Variants in NGEF observed in about 807,000 individuals in gnomAD.
NGEF encodes the protein neuronal guanine nucleotide exchange factor.
A neutral mutation model predicts 80.9 loss-of-function variants in NGEF; 31 were observed. That is an observed-to-expected ratio of 0.38 (90% confidence interval 0.29 to 0.52). The LOEUF (loss-of-function observed/expected upper bound fraction) is 0.52. Ranked by LOEUF, NGEF falls within the 20% of genes least tolerant of loss-of-function variation. The pLI is 0.84. For synonymous variants in NGEF, 371 were observed against 370.2 expected (o/e 1.00, Z -0.03); for missense variants, 709 against 926.2 (o/e 0.77, Z 3.04).
chr2:232,946,997 T>C (rs754165025), intron 3 of NGEF, among the ~76,000 whole-genome samples: 78 of 152,298 alleles, frequency 5.1e-4, no homozygotes, highest in Non-Finnish European at 9.1e-4. Flanking sequence ...TGCTAGAACA[T>C]TCCCATTTTG....
intron 2 of NGEF, among the ~76,000 whole-genome samples, chr2:232,971,965 C>T (rs1694195034): frequency 6.6e-6 from 1 of 152,208 alleles, no homozygotes; most frequent in South Asian, 2.1e-4. Context: ...CTTACAGTGC[C>T]CTACCCCTGC....
intron 5 of NGEF, among the ~76,000 whole-genome samples, chr2:232,903,974 T>C (rs1240530096): frequency 1.3e-5 from 2 of 152,218 alleles, no homozygotes; most frequent in African/African-American, 4.8e-5. Context: ...TGTCAGAGGC[T>C]GTACAGATGC....
intron 3 of NGEF, among the ~76,000 whole-genome samples, chr2:232,934,618 G>A (rs1301999445): frequency 4.6e-5 from 7 of 152,084 alleles, no homozygotes; most frequent in African/African-American, 1.7e-4. Flanking sequence ...CCTTTTAACT[G>A]ACATTTTGTT....
At chr2:232,931,102 G>A (rs935747764) in intron 3 of NGEF, among the ~76,000 whole-genome samples, 2 of 152,218 alleles carry the variant, frequency 1.3e-5, no homozygotes, top group African/African-American at 4.8e-5. Context: ...AATAGAAAAA[G>A]AGAGAGAGGA....
At chr2:232,927,430 T>C (rs913790151) in intron 3 of NGEF, among the ~76,000 whole-genome samples, 14 of 151,988 alleles carry the variant, frequency 9.2e-5, no homozygotes, top group African/African-American at 1.9e-4. Flanking sequence ...CAAACCTCCA[T>C]GGTTTTGGAG....
chr2:232,948,209 G>A (rs112606501), intron 3 of NGEF, among the ~76,000 whole-genome samples: 2 of 149,888 alleles, frequency 1.3e-5, no homozygotes, highest in Non-Finnish European at 1.5e-5. Flanking sequence ...AGTTTTTTGA[G>A]ACAGAGTCTC....
At chr2:233,001,521 G>C (rs1694977865) in intron 1 of NGEF, among the ~76,000 whole-genome samples, 1 of 152,154 alleles carries the variant, frequency 6.6e-6, no homozygotes, top group African/African-American at 2.4e-5. Flanking sequence ...GCCTTGGTGG[G>C]GGGCAGAGAG....
At chr2:232,960,604 A>G (rs556186920) in intron 3 of NGEF, among the ~76,000 whole-genome samples, 1 of 152,166 alleles carries the variant, frequency 6.6e-6, no homozygotes, top group Non-Finnish European at 1.5e-5. Flanking sequence ...CTAGGCCTGG[A>G]GCGGTGGCTC....
chr2:233,006,986 T>C (rs1305680889), intron 1 of NGEF, among the ~76,000 whole-genome samples: 1 of 152,194 alleles, frequency 6.6e-6, no homozygotes, highest in African/African-American at 2.4e-5. Context: ...CATGCTTGTA[T>C]ACAATCCCAG....
chr2:232,978,329 A>G (rs768402363), intron 1 of NGEF, among the ~76,000 whole-genome samples: 14 of 151,930 alleles, frequency 9.2e-5, no homozygotes, highest in South Asian at 2.1e-4. Flanking sequence ...CCTGGCCAAC[A>G]TGGTGAAAAC....
rs931520843 is a variant in NGEF at position 232,885,434 on chromosome 2, C to T, written c.1348-65G>A. On this transcript the variant is annotated intron_variant, in intron 9 of 14. Coordinates refer to ENST00000264051, the MANE Select transcript of NGEF (RefSeq NM_019850.3). ...GCTGTCCCGGCCCCTTCCTCCAGCT[C>T]GGTCAGGCCACAGACAGGGCTGAGT... 8.3e-5 allele frequency: 115 copies of T among 1,386,420 alleles called. 1 individual carries two copies. In the African/African-American group the frequency reaches 1.1e-3, roughly 13 times the overall value. The allele number at this position is 1,386,420 out of a possible 1,614,324, so 85.9% of individuals were successfully genotyped here.
intron 2 of NGEF, among the ~76,000 whole-genome samples, chr2:232,971,522 T>TAAAAATAC (rs1694184198): frequency 6.6e-6 from 1 of 152,074 alleles, no homozygotes; most frequent in East Asian, 1.9e-4. Context: ...CTGTCTCTAC[T>TAAAAATAC]AAAAATACAA....
At chr2:232,885,254 G>C in intron 10 of NGEF, 26 bp downstream of exon 10, 1 of 1,607,648 alleles carries the variant, frequency 6.2e-7, no homozygotes, top group East Asian at 2.2e-5. Flanking sequence ...CATGGGCACA[G>C]GCTCACACCA....
chr2:232,916,589 AG>A (rs1441292875), intron 5 of NGEF, among the ~76,000 whole-genome samples: 1 of 152,272 alleles, frequency 6.6e-6, no homozygotes, highest in Non-Finnish European at 1.5e-5. Context: ...CAATGGAAAC[AG>A]GCAATAAACA....
intron 5 of NGEF, among the ~76,000 whole-genome samples, chr2:232,917,285 G>A (rs577199620): frequency 1.2e-4 from 19 of 152,226 alleles, no homozygotes; most frequent in African/African-American, 4.1e-4. Context: ...GTCTGCATAG[G>A]TGTCTAAACT....
rs1266960804 is a variant in NGEF at position 232,989,486 on chromosome 2, A to C, written c.-74-14522T>G. The stretch of plus-strand genomic sequence containing the variant: ...AAACAAACAAACAAAACTATGCCAG[A>C]GTATTATGTATTCAAAAATTAAATA... On this transcript the variant is annotated intron_variant, in intron 1 of 14. Transcript: ENST00000264051. Among the ~76,000 whole-genome samples, 2 of 152,220 alleles carry C rather than the reference A, an allele frequency of 1.3e-5. 1 individual carries two copies. Among genetic ancestry groups the C allele is most frequent in the African/African-American group, 4.8e-5 (2 of 41,458 alleles).
chr2:232,925,152 G>A (rs926156907), intron 4 of NGEF, among the ~76,000 whole-genome samples: 2 of 152,208 alleles, frequency 1.3e-5, no homozygotes, highest in African/African-American at 4.8e-5. Flanking sequence ...CCTCCAAGTG[G>A]AACTGGCAGG....
At position 232,891,188 on chromosome 2, in the gene NGEF, C is replaced by T. The variant is rs377064417; in HGVS notation, c.1272+170G>A. Among the ~76,000 whole-genome samples the T allele has an allele frequency of 7.9e-5, 12 of 152,360 alleles. No homozygotes were observed. In the East Asian group the frequency reaches 1.9e-3, roughly 24 times the overall value. The stretch of plus-strand genomic sequence containing the variant: ...CGGTCTCTCCCCTCTGCGATGGGCT[C>T]CCTGGGAGCAGGCGCTGCATCCTCA... On this transcript the variant is annotated intron_variant, in intron 8 of 14. Coordinates refer to ENST00000264051, the MANE Select transcript of NGEF (RefSeq NM_019850.3).
At chr2:232,979,071 G>T (rs1694354991) in intron 1 of NGEF, among the ~76,000 whole-genome samples, 1 of 152,134 alleles carries the variant, frequency 6.6e-6, no homozygotes, top group Non-Finnish European at 1.5e-5. Flanking sequence ...AGGGCACTGG[G>T]CCAGGAGTCA....
Sources: gnomAD v4.1 joint callset for allele counts (sites outside exome capture counted in the v4.1 genomes callset) on GRCh38, gnomAD v4.1.1 for gene constraint, MANE v1.5 for transcripts, NCBI Gene and HGNC (gene_info 2026-07-23, HGNC 2026-07-21) for gene names.